The following ARHGEF10 variants were observed in gnomAD, a reference collection of about 807,000 sequenced individuals.
ARHGEF10 encodes Rho guanine nucleotide exchange factor (GEF) 10.
A neutral mutation model predicts 147.4 loss-of-function variants in ARHGEF10; 140 were observed. The ratio of observed to expected loss-of-function variants is 0.95; its 90% CI spans 0.83 to 1.09. The LOEUF is 1.09. Ranked by LOEUF, ARHGEF10 falls within the 50% of genes least tolerant of loss-of-function variation. ARHGEF10 has a pLI of 0.00. For missense variants in ARHGEF10, 2,222 were observed against 1,752.7 expected (o/e 1.27, Z -4.78); for synonymous variants, 902 against 695.8 (o/e 1.30, Z -4.67).
chr8:1,876,108 TCATCCACCTATC>T (rs1443771153), intron 7 of ARHGEF10: 4 of 192,962 alleles, frequency 2.1e-5, no homozygotes, highest in Admixed American at 1.6e-4. Flanking sequence ...AATATCTGTA[TCATCCACCTATC>T]CATCCACCTA....
intron 1 of ARHGEF10, among the ~76,000 whole-genome samples, chr8:1,834,964 G>C (rs899929266): frequency 6.6e-6 from 1 of 152,234 alleles, no homozygotes; most frequent in Non-Finnish European, 1.5e-5. Context: ...TTCACCCCCA[G>C]GTGGGAGGAT....
chr8:1,950,728 A>AGGTTTTTTTTTTTTTTTTTTTTTTTTTTT (rs1814965161), intron 27 of ARHGEF10, among the ~76,000 whole-genome samples: 1 of 81,134 alleles, frequency 1.2e-5, no homozygotes, highest in African/African-American at 4.7e-5. Flanking sequence ...TTTGTTTTTT[A>AGGTTTTTTTTTTTTTTTTTTTTTTTTTTT]GGTTTTTTTT....
At chr8:1,911,667 C>G (rs1811367177) in intron 18 of ARHGEF10, among the ~76,000 whole-genome samples, 1 of 152,158 alleles carries the variant, frequency 6.6e-6, no homozygotes, top group African/African-American at 2.4e-5. Flanking sequence ...CCGACAGTCT[C>G]TTGTTAGCAT....
At position 1,909,433 on chromosome 8, in the gene ARHGEF10, G is replaced by A. The variant is rs1467943112; in HGVS notation, c.2106G>A (p.Pro702=). The change falls in exon 18 of 29, where the codon CCG becomes CCA. Residue 702 remains proline (P), a synonymous_variant. Transcript: ENST00000349830. ...GEHSRHLAVH[P]PESLAVVANA... ...ACAGCAGGCACCTTGCCGTTCACCC[G>A]CCGGAGAGCCTGGCCGTGGTTGCTA... The A allele has an allele frequency of 1.7e-5, 27 of 1,613,998 alleles. No individual in the cohort carries two copies. Among genetic ancestry groups the A allele is most frequent in the Middle Eastern group, 1.6e-4 (1 of 6,084 alleles).
intron 7 of ARHGEF10, chr8:1,870,231 C>G (rs1288210350): frequency 7.8e-6 from 1 of 127,746 alleles, no homozygotes; most frequent in African/African-American, 3.1e-5. Context: ...ATCTTGTTAC[C>G]GATTTTTTTT....
chr8:1,837,927 TCTCACAGGTGCTCTAGGTTTC>T (rs1803688624), intron 1 of ARHGEF10, among the ~76,000 whole-genome samples: 1 of 152,212 alleles, frequency 6.6e-6, no homozygotes, highest in South Asian at 2.1e-4. Context: ...TGCTCCTCAC[TCTCACAGGTGCTCTAGGTTTC>T]CTCACAGGTG....
At position 1,928,994 on chromosome 8, in the gene ARHGEF10, T is replaced by A. The variant is rs557111434; in HGVS notation, c.2922-292T>A. 1.6e-4 allele frequency among the ~76,000 whole-genome samples: 24 copies of A among 152,348 alleles called. No homozygotes were observed. The East Asian group carries it at 4.0e-3, about 26-fold the overall frequency. On this transcript the variant is annotated intron_variant, in intron 24 of 28. Coordinates refer to ENST00000349830, the MANE Select transcript of ARHGEF10 (RefSeq NM_014629.4). ...ACAGCCATATTCTATGTCATGATCA[T>A]ACTGAATTGCTGACACCATTTAAAG...
At position 1,894,485 on chromosome 8, in the gene ARHGEF10, G is replaced by C. The variant is rs1452681888; in HGVS notation, c.1353G>C (p.Gln451His). The C allele has an allele frequency of 6.2e-7, 1 of 1,614,112 alleles. No individual in the cohort carries two copies. The highest frequency in any genetic ancestry group is 8.5e-7 in the Non-Finnish European group (1 of 1,180,054). The change falls in exon 13 of 29, where the codon CAG (glutamine) becomes CAC (histidine). Residue 451 changes from glutamine (Q) to histidine (H), a missense_variant. Coordinates refer to ENST00000349830, the MANE Select transcript of ARHGEF10 (RefSeq NM_014629.4). Reference protein sequence around the residue: ...TVFYRVKEILQCHSLFQIALA... With the variant: ...TVFYRVKEILHCHSLFQIALA... ...TCTACCGAGTCAAAGAGATCCTGCA[G>C]TGCCACTCGCTATTTCAGATCGCGC... is the stretch of plus-strand genomic sequence containing the variant.
rs1563234110 is a variant in ARHGEF10, at chr8:1,888,230, CAGTGAGTGTGGTGAGGGTTGCGAGGAGAT to C, written c.1182+2524_1182+2552del. ...TAGTGGGGCGAGGGTTGCGAGGAGA[CAGTGAGTGTGGTGAGGGTTGCGAGGAGAT>C]GCTGAGTGGGGCTGTAGGTTCTGAG... On this transcript the variant is annotated intron_variant, in intron 11 of 28. Transcript: ENST00000349830. Among the ~76,000 whole-genome samples the C allele has an allele frequency of 9.5e-5, 6 of 63,256 alleles. 1 individual carries two copies. The highest frequency in any genetic ancestry group is 5.2e-4 in the African/African-American group (6 of 11,636). 41.5% of individuals were successfully genotyped at this position (63,256 alleles called of 152,430 possible). A position where few individuals can be genotyped will look rare whatever the true frequency, so the allele number is the denominator to read the frequency against.
intron 1 of ARHGEF10, among the ~76,000 whole-genome samples, chr8:1,835,655 T>A (rs1462808898): frequency 6.6e-6 from 1 of 152,222 alleles, no homozygotes; most frequent in East Asian, 1.9e-4. Context: ...TCCCCTGACC[T>A]CCTTTTGCAG....
At chr8:1,901,735 A>G (rs1447213646) in intron 15 of ARHGEF10, among the ~76,000 whole-genome samples, 1 of 152,158 alleles carries the variant, frequency 6.6e-6, no homozygotes, top group Non-Finnish European at 1.5e-5. Context: ...TGCCACCACC[A>G]GTGTGTGGGT....
chr8:1,825,708 G>C (rs1802732502), intron 1 of ARHGEF10, among the ~76,000 whole-genome samples: 1 of 152,134 alleles, frequency 6.6e-6, no homozygotes, highest in South Asian at 2.1e-4. Context: ...GGCAGCAGTA[G>C]ACGAACTTGC....
At chr8:1,835,812 C>T (rs1278855874) in intron 1 of ARHGEF10, among the ~76,000 whole-genome samples, 1 of 152,212 alleles carries the variant, frequency 6.6e-6, no homozygotes, top group Non-Finnish European at 1.5e-5. Flanking sequence ...GCCTGACGCA[C>T]ACGGCATGAA....
At chr8:1,880,854 C>T (rs1396801130) in intron 9 of ARHGEF10, among the ~76,000 whole-genome samples, 3 of 152,212 alleles carry the variant, frequency 2.0e-5, no homozygotes, top group Non-Finnish European at 4.4e-5. Flanking sequence ...GTGCACTCCA[C>T]ACAGCTTCTG....
At chr8:1,841,621 G>A (rs556017230) in intron 1 of ARHGEF10, among the ~76,000 whole-genome samples, 1 of 152,096 alleles carries the variant, frequency 6.6e-6, no homozygotes, top group East Asian at 1.9e-4. Flanking sequence ...CGTGGTTGTG[G>A]CTCGTCTGCT....
At chr8:1,825,876 C>T (rs2129028651) in intron 1 of ARHGEF10, among the ~76,000 whole-genome samples, 1 of 152,318 alleles carries the variant, frequency 6.6e-6, no homozygotes, top group South Asian at 2.1e-4. Context: ...ACTTAATGTC[C>T]ATATGGGTGG....
At chr8:1,836,712 C>T (rs1360811036) in intron 1 of ARHGEF10, among the ~76,000 whole-genome samples, 1 of 152,168 alleles carries the variant, frequency 6.6e-6, no homozygotes, top group Non-Finnish European at 1.5e-5. Context: ...GTGTCAGCCC[C>T]TGATATGGTT....
At chr8:1,888,067 AG>A (rs1243083292) in intron 11 of ARHGEF10, among the ~76,000 whole-genome samples, 3 of 123,006 alleles carry the variant, frequency 2.4e-5, no homozygotes, top group Admixed American at 7.7e-5. Context: ...GAGTGGGATG[AG>A]GGTTTATGAG....
At chr8:1,892,507 A>G (rs565809428) in intron 11 of ARHGEF10, among the ~76,000 whole-genome samples, 4 of 152,138 alleles carry the variant, frequency 2.6e-5, no homozygotes, top group African/African-American at 4.8e-5. Flanking sequence ...TTGCCCTGCA[A>G]TCTTTTTAAC....
Sources: allele counts gnomAD v4.1 joint callset (sites outside exome capture counted in the v4.1 genomes callset), GRCh38; gene constraint gnomAD v4.1.1; transcripts MANE v1.5; gene names NCBI Gene and HGNC (gene_info 2026-07-23, HGNC 2026-07-21).